The following POU6F2 variants were observed in gnomAD, a reference collection of about 807,000 sequenced individuals.
POU6F2 encodes POU domain, class 6, transcription factor 2.
In POU6F2, 31 loss-of-function variants were observed where a neutral mutation model predicts 71.3. The ratio of observed to expected loss-of-function variants is 0.43; its 90% confidence interval spans 0.33 to 0.59. POU6F2 has a LOEUF of 0.59. POU6F2 is among the 20% of genes least tolerant of loss of function. The probability of loss-of-function intolerance (pLI) is 0.04; values close to 1 mark genes in which losing one functional copy is unlikely to be tolerated. For missense variants in POU6F2, 783 were observed against 856.8 expected (o/e 0.91, Z 1.07); for synonymous variants, 347 against 355.7 (o/e 0.98, Z 0.27).
chr7:39,265,114 G>A (rs1218328282), intron 4 of POU6F2, among the ~76,000 whole-genome samples: 2 of 152,124 alleles, frequency 1.3e-5, no homozygotes, highest in Non-Finnish European at 2.9e-5. Flanking sequence ...TCACTTTGCT[G>A]TTTTATAGAA....
rs184226184 is a variant in POU6F2, at chr7:39,213,439, C to G, written c.598+5819C>G. 3.6e-3 allele frequency among the ~76,000 whole-genome samples: 541 copies of G among 152,294 alleles called. 3 individuals are homozygous for G. Among genetic ancestry groups the G allele is most frequent in the African/African-American group, 0.012 (506 of 41,560 alleles). On this transcript the variant is annotated intron_variant, in intron 4 of 9. Coordinates refer to ENST00000518318, the MANE Select transcript of POU6F2 (RefSeq NM_001370959.1). ...GGTATCCTTTACATACAAGAAAATG[C>G]ATGGACCTTACTTGCTTAGTTAAAT...
At chr7:39,260,112 C>T (rs577392220) in intron 4 of POU6F2, among the ~76,000 whole-genome samples, 3 of 148,104 alleles carry the variant, frequency 2.0e-5, no homozygotes, top group African/African-American at 7.9e-5. Context: ...CATGCTCACA[C>T]CACACACACA....
At chr7:39,053,630 G>A (rs1167515753) in intron 1 of POU6F2, among the ~76,000 whole-genome samples, 1 of 151,984 alleles carries the variant, frequency 6.6e-6, no homozygotes, top group African/African-American at 2.4e-5. Flanking sequence ...TAATCTGCAA[G>A]CATATGTTAC....
intron 6 of POU6F2, among the ~76,000 whole-genome samples, chr7:39,418,455 T>C (rs1054337418): frequency 6.6e-6 from 1 of 152,112 alleles, no homozygotes; most frequent in Non-Finnish European, 1.5e-5. Context: ...TTTGGGAGGC[T>C]GAGGCAGGCA....
intron 6 of POU6F2, among the ~76,000 whole-genome samples, chr7:39,408,850 G>A (rs2098908087): frequency 6.6e-6 from 1 of 152,088 alleles, no homozygotes; most frequent in East Asian, 1.9e-4. Context: ...TTTTTTTGAT[G>A]TTCAGAATAT....
At chr7:39,351,596 T>C (rs764059938) in intron 5 of POU6F2, among the ~76,000 whole-genome samples, 5 of 152,192 alleles carry the variant, frequency 3.3e-5, no homozygotes, top group Admixed American at 6.5e-5. Flanking sequence ...TAGTTTATAG[T>C]AGGGCTTTTC....
intron 1 of POU6F2, among the ~76,000 whole-genome samples, chr7:39,030,861 A>C (rs977472938): frequency 1.3e-5 from 2 of 149,256 alleles, no homozygotes; most frequent in African/African-American, 5.1e-5. Context: ...GCCCCCCCCA[A>C]AAAAAAATTG....
rs3057275 is a variant in POU6F2 at position 39,068,490 on chromosome 7, C to CATATATATATATATATATATATATATAT, written c.106-17353_106-17352insTATATATATATATATATATATATATATA. On this transcript the variant is annotated intron_variant, in intron 1 of 9. Coordinates refer to ENST00000518318, the MANE Select transcript of POU6F2 (RefSeq NM_001370959.1). Reference sequence around the variant, plus strand: ...AGATTATATATACACCTAGTACATGCATATATATATATATATAATTTTCAT... The same window carrying CATATATATATATATATATATATATATAT: ...AGATTATATATACACCTAGTACATGCATATATATATATATATATATATATATATATATATATATATATATAATTTTCAT... 3.0e-3 allele frequency among the ~76,000 whole-genome samples: 439 copies of CATATATATATATATATATATATATATAT among 146,464 alleles called. 8 individuals are homozygous for CATATATATATATATATATATATATATAT. The highest frequency in any genetic ancestry group is 8.3e-3 in the African/African-American group (319 of 38,318).
chr7:39,168,380 T>C (rs1413474648), intron 2 of POU6F2, among the ~76,000 whole-genome samples: 1 of 152,200 alleles, frequency 6.6e-6, no homozygotes, highest in Admixed American at 6.5e-5. Context: ...ATGGCTGTGT[T>C]GATTCTGGAA....
intron 5 of POU6F2, among the ~76,000 whole-genome samples, chr7:39,373,154 T>A (rs1183148139): frequency 1.3e-5 from 2 of 152,146 alleles, no homozygotes; most frequent in Non-Finnish European, 2.9e-5. Flanking sequence ...ATTAAATTAG[T>A]ATTTGTAAAG....
At chr7:39,440,130 T>C (rs941421340) in intron 7 of POU6F2, among the ~76,000 whole-genome samples, 2 of 152,198 alleles carry the variant, frequency 1.3e-5, no homozygotes, top group African/African-American at 4.8e-5. Context: ...TCCTTCATTT[T>C]GCCCTTGGAG....
chr7:39,073,257 C>T (rs1258843203), intron 1 of POU6F2, among the ~76,000 whole-genome samples: 1 of 151,374 alleles, frequency 6.6e-6, no homozygotes, highest in Non-Finnish European at 1.5e-5. Flanking sequence ...ATTTCAAAGG[C>T]TAGAGATTTA....
chr7:39,393,415 A>G (rs1422227320), intron 5 of POU6F2, among the ~76,000 whole-genome samples: 2 of 152,140 alleles, frequency 1.3e-5, no homozygotes, highest in Non-Finnish European at 2.9e-5. Flanking sequence ...TCATCTGCCA[A>G]AAGGACCCCC....
At chr7:39,051,447 A>G (rs1455301405) in intron 1 of POU6F2, among the ~76,000 whole-genome samples, 2 of 152,118 alleles carry the variant, frequency 1.3e-5, no homozygotes, top group Admixed American at 1.3e-4. Context: ...TATGTACATA[A>G]TATTCAGGGC....
intron 1 of POU6F2, among the ~76,000 whole-genome samples, chr7:38,997,964 C>A (rs953751500): frequency 2.0e-5 from 3 of 152,144 alleles, no homozygotes; most frequent in African/African-American, 7.2e-5. Flanking sequence ...AGTCCTGAGT[C>A]CTGTTCTCTG....
chr7:39,339,583 G>A, intron 4 of POU6F2, 59 bp from the exon 5 acceptor site: 1 of 1,523,248 alleles, frequency 6.6e-7, no homozygotes, highest in South Asian at 1.3e-5. Flanking sequence ...AGGCTGTCAA[G>A]ACCCAGCAAG....
At position 39,391,496 on chromosome 7, in the gene POU6F2, T is replaced by C. The variant is rs368214775; in HGVS notation, c.973-15104T>C. Among the ~76,000 whole-genome samples, 39 of 152,296 alleles carry C rather than the reference T, an allele frequency of 2.6e-4. No individual in the cohort carries two copies. The East Asian group carries it at 6.9e-3, about 27-fold the overall frequency. On this transcript the variant is annotated intron_variant, in intron 5 of 9. Coordinates refer to ENST00000518318, the MANE Select transcript of POU6F2 (RefSeq NM_001370959.1). ...TATAATGTACAAAATAAGAACTCAG[T>C]AGTGTACATGTTATTCTGAAAAAAA...
chr7:39,188,283 C>A (rs963177125), intron 2 of POU6F2, among the ~76,000 whole-genome samples: 1 of 152,176 alleles, frequency 6.6e-6, no homozygotes. Context: ...AAGCACAAGT[C>A]AGTCAGATTC....
At chr7:39,255,222 A>G (rs1351248013) in intron 4 of POU6F2, among the ~76,000 whole-genome samples, 1 of 152,240 alleles carries the variant, frequency 6.6e-6, no homozygotes, top group Non-Finnish European at 1.5e-5. Flanking sequence ...TGCCTTCTTA[A>G]TGATAAACAT....
Sources: allele counts gnomAD v4.1 joint callset (sites outside exome capture counted in the v4.1 genomes callset), GRCh38; gene constraint gnomAD v4.1.1; transcripts MANE v1.5; gene names NCBI Gene and HGNC (gene_info 2026-07-23, HGNC 2026-07-21).